PCDHGB3: variants seen among roughly 807,000 people sequenced by gnomAD.
The protein encoded by PCDHGB3 is protocadherin gamma-B3.
PCDHGB3 carries 40 observed loss-of-function variants against 59.2 expected under a neutral mutation model. The observed-to-expected ratio is 0.68, with a 90% CI of 0.52 to 0.88. PCDHGB3 has a LOEUF of 0.88. Among genes scored for constraint, PCDHGB3 ranks in the 40% least tolerant of loss-of-function variants. The pLI is 0.00. For synonymous variants in PCDHGB3, 581 were observed against 503.6 expected (o/e 1.15, Z -2.06); for missense variants, 1,309 against 1,187.9 (o/e 1.10, Z -1.50).
chr5:141,403,601 G>A, intron 1 of PCDHGB3: 1 of 1,613,814 alleles, frequency 6.2e-7, no homozygotes, highest in Non-Finnish European at 8.5e-7. Flanking sequence ...GGCCTCGGAT[G>A]GCGGCGAGCC....
At chr5:141,433,358 C>CTAT (rs2097585632) in intron 1 of PCDHGB3, 108 of 504,044 alleles carry the variant, frequency 2.1e-4, no homozygotes, top group African/African-American at 2.0e-3. Flanking sequence ...CTACTGTCTG[C>CTAT]CTATCTATCT....
chr5:141,463,814 C>T (rs1359662651), intron 1 of PCDHGB3, among the ~76,000 whole-genome samples: 7 of 152,188 alleles, frequency 4.6e-5, no homozygotes, highest in African/African-American at 1.7e-4. Flanking sequence ...GCTTTTATCA[C>T]ACATTTTGAT....
At chr5:141,420,747 A>T (rs2096522944) in intron 1 of PCDHGB3, among the ~76,000 whole-genome samples, 1 of 152,220 alleles carries the variant, frequency 6.6e-6, no homozygotes, top group South Asian at 2.1e-4. Flanking sequence ...ATTGGAACCA[A>T]CTACAACCTA....
chr5:141,423,554 A>G (rs1383467583), intron 1 of PCDHGB3: 8 of 1,613,590 alleles, frequency 5.0e-6, no homozygotes, highest in East Asian at 4.5e-5. Flanking sequence ...CAGCCCAACT[A>G]TGGGGACACG....
intron 1 of PCDHGB3, chr5:141,400,023 C>T (rs755667675): frequency 1.1e-5 from 18 of 1,612,872 alleles, no homozygotes; most frequent in Non-Finnish European, 1.3e-5. Context: ...GCGACAGGGA[C>T]GCGGCCCGCC....
chr5:141,414,900 T>C (rs1402776790), intron 1 of PCDHGB3: 5 of 1,614,170 alleles, frequency 3.1e-6, no homozygotes, highest in Middle Eastern at 1.6e-4. Flanking sequence ...CCACAGACGG[T>C]TCCACAGGCG....
intron 1 of PCDHGB3, among the ~76,000 whole-genome samples, chr5:141,407,761 G>T (rs938743690): frequency 6.6e-6 from 1 of 152,132 alleles, no homozygotes; most frequent in Non-Finnish European, 1.5e-5. Context: ...GTATAAGTTT[G>T]AAATTGTGCA....
chr5:141,456,335 G>A (rs2098850730), intron 1 of PCDHGB3, among the ~76,000 whole-genome samples: 1 of 152,114 alleles, frequency 6.6e-6, no homozygotes. Flanking sequence ...TTGATCTAAG[G>A]GTCCTCGGAA....
chr5:141,455,400 C>G (rs537466326), intron 1 of PCDHGB3, among the ~76,000 whole-genome samples: 8 of 152,274 alleles, frequency 5.3e-5, no homozygotes, highest in Admixed American at 5.2e-4. Context: ...CTCCCCCTTA[C>G]AGAGACAGAG....
intron 1 of PCDHGB3, chr5:141,428,912 T>C (rs1010303812): frequency 6.6e-6 from 1 of 151,946 alleles, no homozygotes; most frequent in Non-Finnish European, 1.5e-5. Context: ...TGGAGTGCAG[T>C]GGCATGATCT....
chr5:141,430,984 C>G (rs765063685), intron 1 of PCDHGB3: 2 of 1,613,530 alleles, frequency 1.2e-6, no homozygotes, highest in Non-Finnish European at 1.7e-6. Flanking sequence ...CGCAGCTTTT[C>G]GCCCTGAATC....
intron 1 of PCDHGB3, chr5:141,415,756 T>G (rs756759295): frequency 1.5e-4 from 214 of 1,386,812 alleles, no homozygotes; most frequent in African/African-American, 5.9e-4. Flanking sequence ...TTTTTTTTTT[T>G]TTTTTTTTTT....
intron 1 of PCDHGB3, chr5:141,399,330 A>G: frequency 6.2e-7 from 1 of 1,613,994 alleles, no homozygotes; most frequent in South Asian, 1.1e-5. Flanking sequence ...ATAAGTTGGT[A>G]ACAGATGGAA....
At chr5:141,504,450 T>C (rs931613781) in intron 2 of PCDHGB3, among the ~76,000 whole-genome samples, 1 of 151,918 alleles carries the variant, frequency 6.6e-6, no homozygotes, top group Non-Finnish European at 1.5e-5. Context: ...ACTAGTGCCA[T>C]GTGGGGCAGC....
intron 2 of PCDHGB3, 117 bp downstream of exon 2, chr5:141,494,982 G>C: frequency 6.4e-7 from 1 of 1,563,940 alleles, no homozygotes; most frequent in Non-Finnish European, 8.7e-7. Context: ...CTCAGTTTGA[G>C]ATCCCAGGGA....
At chr5:141,454,034 G>A (rs530844564) in intron 1 of PCDHGB3, among the ~76,000 whole-genome samples, 10 of 152,270 alleles carry the variant, frequency 6.6e-5, no homozygotes, top group African/African-American at 2.4e-4. Context: ...GAATTGGCCA[G>A]CAAAGATAAA....
At chr5:141,388,376 C>A in intron 1 of PCDHGB3, 1 of 1,613,944 alleles carries the variant, frequency 6.2e-7, no homozygotes, top group Non-Finnish European at 8.5e-7. Context: ...ATATTGGTAG[C>A]AACACACTGC....
intron 1 of PCDHGB3, chr5:141,385,685 C>T (rs1022994434): frequency 3.0e-6 from 1 of 331,334 alleles, no homozygotes; most frequent in Non-Finnish European, 4.5e-6. Flanking sequence ...CAGCTGTCTT[C>T]TCAGGATTCT....
intron 1 of PCDHGB3, chr5:141,419,616 A>G (rs1291494618): frequency 6.2e-7 from 1 of 1,612,086 alleles, no homozygotes; most frequent in African/African-American, 1.3e-5. Flanking sequence ...CAGCCAGGCT[A>G]CCTGGTGACC....
Sources: gnomAD v4.1 joint callset for allele counts (sites outside exome capture counted in the v4.1 genomes callset) on GRCh38, gnomAD v4.1.1 for gene constraint, MANE v1.5 for transcripts, NCBI Gene and HGNC (gene_info 2026-07-23, HGNC 2026-07-21) for gene names.